NPL: variants seen among roughly 807,000 people sequenced by gnomAD.
NPL encodes N-acetylneuraminate pyruvate lyase.
A neutral mutation model predicts 41.1 loss-of-function variants in NPL; 32 were observed. The ratio of observed to expected loss-of-function variants is 0.78; its 90% confidence interval spans 0.59 to 1.05. The LOEUF (loss-of-function observed/expected upper bound fraction) is 1.05, where lower values mean the gene tolerates loss of function less well. Among genes scored for constraint, NPL ranks in the 50% least tolerant of loss-of-function variants. NPL has a pLI of 0.00. For missense variants in NPL, 321 were observed against 378.4 expected, an observed-to-expected ratio of 0.85 and a Z score of 1.26; for synonymous variants, 128 against 134.9, an observed-to-expected ratio of 0.95 and a Z score of 0.35.
At chr1:182,818,988 G>A in intron 10 of NPL, 129 bp downstream of exon 10, 1 of 852,344 alleles carries the variant, frequency 1.2e-6, no homozygotes, top group Non-Finnish European at 2.0e-6. Context: ...CATTCTTCCA[G>A]TGAAAGGGAA....
At chr1:182,807,575 C>A (rs1014294510) in intron 5 of NPL, among the ~76,000 whole-genome samples, 2 of 151,866 alleles carry the variant, frequency 1.3e-5, no homozygotes, top group African/African-American at 4.8e-5. Context: ...GGGCTAAGGG[C>A]ACACATTAAG....
chr1:182,809,215 C>T (rs2102547599), intron 5 of NPL: 1 of 452,930 alleles, frequency 2.2e-6, no homozygotes, highest in Non-Finnish European at 4.4e-6. Context: ...GGACCATCCG[C>T]ACAACCCAAA....
rs1667402853 is a variant in NPL, at chr1:182,818,644, T to C, written c.561T>C (p.Asp187=). The C allele has an allele frequency of 6.2e-7, 1 of 1,614,210 alleles. No homozygotes were observed. The highest frequency in any genetic ancestry group is 8.5e-7 in the Non-Finnish European group (1 of 1,180,034). Residue 187 remains aspartate, a synonymous_variant, in exon 9 of 13, where the codon GAT becomes GAC. Transcript: ENST00000367553. ...TDLLDFGQCV[D]QNRQQQFAFL... is the part of the protein sequence containing the mutation. ...TCTTAGACTTCGGGCAATGTGTTGA[T>C]CAGAATCGCCAGCAACAGTTTGCTT...
At chr1:182,790,359 G>A (rs6678759) in intron 1 of NPL, among the ~76,000 whole-genome samples, 11,991 of 152,202 alleles carry the variant, frequency 0.079, 535 homozygotes, top group African/African-American at 0.13. Flanking sequence ...GGAGGTATAA[G>A]ATTTCAAGAG....
intron 2 of NPL, among the ~76,000 whole-genome samples, chr1:182,793,415 C>T (rs183112316): frequency 1.4e-4 from 22 of 152,242 alleles, no homozygotes; most frequent in Admixed American, 1.2e-3. Flanking sequence ...TCCAGCAGTG[C>T]GCTACCCATC....
intron 8 of NPL, among the ~76,000 whole-genome samples, chr1:182,818,177 A>G (rs915699840): frequency 2.6e-5 from 4 of 152,216 alleles, no homozygotes; most frequent in African/African-American, 9.7e-5. Flanking sequence ...TCAGGAAATT[A>G]CAAAGGTCTT....
intron 11 of NPL, among the ~76,000 whole-genome samples, chr1:182,822,859 C>T (rs1667526892): frequency 6.6e-6 from 1 of 152,212 alleles, no homozygotes; most frequent in Non-Finnish European, 1.5e-5. Context: ...GTGGAACAGT[C>T]TCAACAACTG....
At chr1:182,815,841 G>A (rs1412688107) in intron 7 of NPL, among the ~76,000 whole-genome samples, 1 of 152,126 alleles carries the variant, frequency 6.6e-6, no homozygotes, top group Non-Finnish European at 1.5e-5. Flanking sequence ...TCTTGGCCTT[G>A]ATCCTCCTGC....
chr1:182,816,587 A>C, intron 7 of NPL, 127 bp from the exon 8 acceptor site: 1 of 721,098 alleles, frequency 1.4e-6, no homozygotes, highest in Admixed American at 2.0e-5. Context: ...CAGGGATAGT[A>C]AAAGTGGTTG....
intron 3 of NPL, among the ~76,000 whole-genome samples, chr1:182,796,812 G>A (rs551789303): frequency 2.6e-5 from 4 of 152,112 alleles, no homozygotes; most frequent in South Asian, 2.1e-4. Context: ...CGAGGTGGGC[G>A]GATCACAAGG....
At chr1:182,800,435 C>CAAAAAAAA (rs1053733197) in intron 3 of NPL, among the ~76,000 whole-genome samples, 1 of 51,568 alleles carries the variant, frequency 1.9e-5, no homozygotes. Flanking sequence ...GACCCTGTCT[C>CAAAAAAAA]AAAAAAAAAA....
In NPL at chr1:182,807,848, G is replaced by A. The variant is rs533455442; in HGVS notation, c.230+1616G>A. Among the ~76,000 whole-genome samples, 681 of 144,028 alleles carry A rather than the reference G, an allele frequency of 4.7e-3. 6 individuals are homozygous for A. Among genetic ancestry groups the A allele is most frequent in the Non-Finnish European group, 7.6e-3 (506 of 66,948 alleles). The allele number at this position is 144,028 out of a possible 152,430, so 94.5% of individuals were successfully genotyped here. On this transcript the variant is annotated intron_variant, in intron 5 of 12. Coordinates refer to ENST00000367553, the MANE Select transcript of NPL (RefSeq NM_030769.3). ...GGAGCTTGCAATGAGCCAAGATCGC[G>A]CCACTGCACTCCAGCCTGAGTGACA...
intron 5 of NPL, among the ~76,000 whole-genome samples, chr1:182,806,880 C>T (rs1002373644): frequency 3.3e-5 from 5 of 152,102 alleles, no homozygotes; most frequent in Non-Finnish European, 5.9e-5. Context: ...CTTGCTCTGT[C>T]GCCCAGGCTG....
At chr1:182,809,563 G>A (rs1249440900) in intron 5 of NPL, among the ~76,000 whole-genome samples, 1 of 150,676 alleles carries the variant, frequency 6.6e-6, no homozygotes, top group Non-Finnish European at 1.5e-5. Flanking sequence ...AAAAAGTTGA[G>A]AAGCTAGGAG....
intron 1 of NPL, 90 bp from the exon 2 acceptor site, chr1:182,792,137 ATGTGC>A: frequency 6.6e-6 from 1 of 152,372 alleles, no homozygotes; most frequent in African/African-American, 2.4e-5. Flanking sequence ...CGTACTCACT[ATGTGC>A]CTAGCATTGT....
At chr1:182,806,399 C>A in intron 5 of NPL, 167 bp downstream of exon 5, 1 of 1,542,350 alleles carries the variant, frequency 6.5e-7, no homozygotes. Flanking sequence ...TGGAGAAGAG[C>A]CCCCTCCCTT....
chr1:182,810,207 A>T (rs1470379357), intron 5 of NPL, among the ~76,000 whole-genome samples: 1 of 152,174 alleles, frequency 6.6e-6, no homozygotes, highest in Non-Finnish European at 1.5e-5. Flanking sequence ...ACAGCTGAAC[A>T]TTATTAATCC....
chr1:182,827,712 C>A (rs1454243846), intron 12 of NPL, among the ~76,000 whole-genome samples: 1 of 152,084 alleles, frequency 6.6e-6, no homozygotes, highest in Non-Finnish European at 1.5e-5. Flanking sequence ...TCTGAGAAGT[C>A]TCTTTCAGAA....
Position 182,798,238 on chromosome 1 carries a change from T to C in NPL, c.68+3799T>C, listed in dbSNP as rs999264570. ...TAAGTCTAATGAAAGACTTGCTTTT[T>C]TTTTTTTTTTTTTTGAGACAAAGTC... On this transcript the variant is annotated intron_variant, in intron 3 of 12. Transcript: ENST00000367553. Among the ~76,000 whole-genome samples the C allele has an allele frequency of 2.6e-5, 4 of 151,262 alleles. No individual in the cohort carries two copies. In the East Asian group the frequency reaches 7.7e-4, roughly 29 times the overall value.
Sources: gnomAD v4.1 joint callset for allele counts (sites outside exome capture counted in the v4.1 genomes callset) on GRCh38, gnomAD v4.1.1 for gene constraint, MANE v1.5 for transcripts, NCBI Gene and HGNC (gene_info 2026-07-23, HGNC 2026-07-21) for gene names.